Variants in OR8D4 observed in about 807,000 individuals in gnomAD.
The protein encoded by OR8D4 is olfactory receptor family 8 subfamily D member 4, also known as olfactory receptor 8D4.
For missense variants in OR8D4, 359 were observed against 372.6 expected (o/e 0.96, Z 0.30); for synonymous variants, 141 against 134.8 (o/e 1.05, Z -0.32).
At chr11:123,905,183 G>A (rs1863190435) in intron 1 of OR8D4, among the ~76,000 whole-genome samples, 1 of 152,144 alleles carries the variant, frequency 6.6e-6, no homozygotes, top group Non-Finnish European at 1.5e-5. Context: ...AACAGTTTTG[G>A]GAAGTCTGCC....
At chr11:123,906,058 A>C in intron 1 of OR8D4, 1 of 184,486 alleles carries the variant, frequency 5.4e-6, no homozygotes, top group Non-Finnish European at 1.1e-5. Context: ...TACTTTCTCT[A>C]ATTAGTCTGT....
At chr11:123,903,537 T>A (rs1863177651) in intron 1 of OR8D4, among the ~76,000 whole-genome samples, 1 of 152,146 alleles carries the variant, frequency 6.6e-6, no homozygotes, top group Admixed American at 6.6e-5. Context: ...TCTTATGATT[T>A]TAAATTGCTA....
intron 1 of OR8D4, among the ~76,000 whole-genome samples, chr11:123,904,814 A>G (rs769870682): frequency 2.0e-5 from 3 of 152,198 alleles, no homozygotes; most frequent in African/African-American, 4.8e-5. Context: ...TTACAGCAGT[A>G]ATATATTGGA....
chr11:123,905,597 A>C (rs950277008), intron 1 of OR8D4, among the ~76,000 whole-genome samples: 2 of 152,196 alleles, frequency 1.3e-5, no homozygotes, highest in African/African-American at 4.8e-5. Context: ...TTAACAGTAG[A>C]TACCTTCTCT....
chr11:123,908,301 AT>A lies in OR8D4; in HGVS notation c.*929del, dbSNP rs1237705405. 1.3e-5 allele frequency: 2 copies of A among 152,150 alleles called. No homozygotes were observed. Among genetic ancestry groups the A allele is most frequent in the African/African-American group, 4.8e-5 (2 of 41,432 alleles). The allele number at this position is 152,150 out of a possible 1,614,324, so 9.4% of individuals were successfully genotyped here. ...TCAGCATGACCAGTATATGTGCAGTATTTTGTAACTTTCTGTTTGTTTCTTT... is the reference window on the plus strand; with the variant it reads ...TCAGCATGACCAGTATATGTGCAGTATTTGTAACTTTCTGTTTGTTTCTTT... On this transcript the variant is annotated 3_prime_UTR_variant, in exon 2 of 2. Coordinates refer to ENST00000641687, the MANE Select transcript of OR8D4 (RefSeq NM_001005197.2).
At position 123,906,374 on chromosome 11, in the gene OR8D4, C is replaced by A. The variant is rs1302729368; in HGVS notation, c.-15-43C>A. ...CACTGATATTTGTTTTCTATAGAAA[C>A]AAACACTGATAGAATTTGACTTTTT... On this transcript the variant is annotated intron_variant, in intron 1 of 1. Coordinates refer to ENST00000641687, the MANE Select transcript of OR8D4 (RefSeq NM_001005197.2). 5 of 1,204,214 alleles carry A rather than the reference C, an allele frequency of 4.2e-6. No homozygotes were observed. In the African/African-American group the frequency reaches 6.1e-5, roughly 15 times the overall value. The allele number at this position is 1,204,214 out of a possible 1,614,324, so 74.6% of individuals were successfully genotyped here. A position where few individuals can be genotyped will look rare whatever the true frequency, so the allele number is the denominator to read the frequency against.
intron 1 of OR8D4, among the ~76,000 whole-genome samples, chr11:123,904,836 A>G (rs892529662): frequency 3.3e-5 from 5 of 152,236 alleles, no homozygotes; most frequent in African/African-American, 7.2e-5. Flanking sequence ...ACAAGAAGAC[A>G]TGAACAGCTT....
Position 123,906,603 on chromosome 11 carries a change from C to T in OR8D4, c.172C>T (p.Pro58Ser). The change falls in exon 2 of 2, where the codon CCC becomes TCC. Residue 58 changes from proline to serine, a missense_variant. Transcript: ENST00000641687. Reference protein sequence around the residue: ...IIRLNRQLHTPMYYFLSSLSF... With the variant: ...IIRLNRQLHTSMYYFLSSLSF... ...TAGGCTGAATCGTCAACTTCATACC[C>T]CCATGTACTATTTCCTGAGTAGTTT... is the stretch of plus-strand genomic sequence containing the variant. The T allele has an allele frequency of 4.3e-6, 7 of 1,613,972 alleles. No individual in the cohort carries two copies. Among genetic ancestry groups the T allele is most frequent in the Non-Finnish European group, 5.9e-6 (7 of 1,179,878 alleles).
rs758268613 is a variant in OR8D4, at chr11:123,906,185, G to A, written c.-15-232G>A. ...TTTGTCTCTAACTCTGGAGTAAAAG[G>A]TTCTGTCGTTTGCTAAGAGAATTTG... On this transcript the variant is annotated intron_variant, in intron 1 of 1. Transcript: ENST00000641687. The A allele has an allele frequency of 1.4e-4, 61 of 431,878 alleles. 1 individual carries two copies. The highest frequency in any genetic ancestry group is 2.1e-4 in the Non-Finnish European group (51 of 245,788). The allele number at this position is 431,878 out of a possible 1,614,324, so 26.8% of individuals were successfully genotyped here. A position where few individuals can be genotyped will look rare whatever the true frequency, so the allele number is the denominator to read the frequency against.
intron 1 of OR8D4, among the ~76,000 whole-genome samples, chr11:123,902,926 T>A (rs2167938): frequency 0.74 from 111,789 of 151,938 alleles, 41,474 homozygotes; most frequent in African/African-American, 0.81. Context: ...TCATTATTTT[T>A]AAAATATGAA....
At position 123,906,886 on chromosome 11, in the gene OR8D4, G is replaced by T. The variant is rs754468576; in HGVS notation, c.455G>T (p.Gly152Val). Residue 152 changes from glycine to valine, a missense_variant, in exon 2 of 2, where the codon GGT becomes GTT. Transcript: ENST00000641687. ...CTGGTGGCTGCTGTCTTCTCAGTAG[G>T]TTTCACTGATGCTGTGATCCATGGA... ...SLLVAAVFSV[G>V]FTDAVIHGGC... The T allele has an allele frequency of 6.2e-7, 1 of 1,613,904 alleles. No individual in the cohort carries two copies. The highest frequency in any genetic ancestry group is 8.5e-7 in the Non-Finnish European group (1 of 1,179,870).
In OR8D4 at chr11:123,907,030, T is replaced by C; in HGVS notation, c.599T>C (p.Phe200Ser). 6.2e-7 allele frequency: 1 copy of C among 1,614,106 alleles called. No individual in the cohort carries two copies. The highest frequency in any genetic ancestry group is 1.1e-5 in the South Asian group (1 of 91,084). ...SSTYIDELLI[F>S]VIGGFNMVAT... is the part of the protein sequence containing the mutation. ...ACTTATATTGATGAGCTTTTGATTTTTGTCATTGGTGGATTTAACATGGTG... is the reference window on the plus strand; with the variant it reads ...ACTTATATTGATGAGCTTTTGATTTCTGTCATTGGTGGATTTAACATGGTG... The change falls in exon 2 of 2, where the codon TTT becomes TCT. Residue 200 changes from phenylalanine to serine, a missense_variant. Transcript: ENST00000641687.
rs1863166596 is a variant in OR8D4 at position 123,902,245 on chromosome 11, C to T, written c.-28C>T. On this transcript the variant is annotated 5_prime_UTR_variant, in exon 1 of 2. Coordinates refer to ENST00000641687, the MANE Select transcript of OR8D4 (RefSeq NM_001005197.2). ...AGAAGAGATACTCACCTACAGTCTT[C>T]AGGAGGAAAAAGGTGAGCTTCAGAA... The T allele has an allele frequency of 6.6e-6, 1 of 152,100 alleles. No individual in the cohort carries two copies. The highest frequency in any genetic ancestry group is 1.5e-5 in the Non-Finnish European group (1 of 68,012). The allele number at this position is 152,100 out of a possible 1,614,324, so 9.4% of individuals were successfully genotyped here.
Position 123,909,058 on chromosome 11 carries a change from T to G in OR8D4, c.*1682T>G, listed in dbSNP as rs539665057. The G allele has an allele frequency of 4.6e-5, 7 of 152,316 alleles. 1 individual carries two copies. In the South Asian group the frequency reaches 1.5e-3, roughly 32 times the overall value. 9.4% of individuals were successfully genotyped at this position (152,316 alleles called of 1,614,324 possible). A position where few individuals can be genotyped will look rare whatever the true frequency, so the allele number is the denominator to read the frequency against. On this transcript the variant is annotated 3_prime_UTR_variant, in exon 2 of 2. Coordinates refer to ENST00000641687, the MANE Select transcript of OR8D4 (RefSeq NM_001005197.2). ...ATTAGAAAATAGATAGATATTTATG[T>G]GTGTGTATGTTTGTGGGAAGGGTTA...
rs539830565 is a variant in OR8D4 at position 123,907,544 on chromosome 11, A to G, written c.*168A>G. On this transcript the variant is annotated 3_prime_UTR_variant, in exon 2 of 2. Coordinates refer to ENST00000641687, the MANE Select transcript of OR8D4 (RefSeq NM_001005197.2). ...GGTGGATCACGAGGTCCGGTGTTCA[A>G]GACCAGCCTGGCCAAGATGATGAAA... 5 of 386,182 alleles carry G rather than the reference A, an allele frequency of 1.3e-5. No individual in the cohort carries two copies. Among genetic ancestry groups the G allele is most frequent in the African/African-American group, 1.0e-4 (5 of 48,312 alleles). The allele number at this position is 386,182 out of a possible 1,614,324, so 23.9% of individuals were successfully genotyped here.
intron 1 of OR8D4, among the ~76,000 whole-genome samples, chr11:123,904,031 T>C (rs937831908): frequency 2.0e-5 from 3 of 152,044 alleles, no homozygotes; most frequent in African/African-American, 7.2e-5. Flanking sequence ...AAATAGCGCC[T>C]CTCAAATGTT....
intron 1 of OR8D4, among the ~76,000 whole-genome samples, chr11:123,902,566 T>A (rs955157346): frequency 3.3e-5 from 5 of 152,210 alleles, no homozygotes; most frequent in Non-Finnish European, 7.3e-5. Context: ...CTCATTTGAT[T>A]TGCATAACAA....
rs541589918 is a variant in OR8D4, at chr11:123,909,006, C to T, written c.*1630C>T. ...AAGCAGAGCGATGTAATCTGTTTTA[C>T]ATTTGAAAAATATCTTCTGGTTATT... is the stretch of plus-strand genomic sequence containing the variant. On this transcript the variant is annotated 3_prime_UTR_variant, in exon 2 of 2. Coordinates refer to ENST00000641687, the MANE Select transcript of OR8D4 (RefSeq NM_001005197.2). The T allele has an allele frequency of 6.0e-4, 92 of 152,188 alleles. No individual in the cohort carries two copies. The highest frequency in any genetic ancestry group is 1.8e-3 in the African/African-American group (74 of 41,518). The allele number at this position is 152,188 out of a possible 1,614,324, so 9.4% of individuals were successfully genotyped here.
Position 123,908,295 on chromosome 11 carries a change from T to C in OR8D4, c.*919T>C, listed in dbSNP as rs1361786886. 6.6e-6 allele frequency: 1 copy of C among 152,206 alleles called. No homozygotes were observed. Among genetic ancestry groups the C allele is most frequent in the Non-Finnish European group, 1.5e-5 (1 of 68,038 alleles). The allele number at this position is 152,206 out of a possible 1,614,324, so 9.4% of individuals were successfully genotyped here. ...TTTTTTTCAGCATGACCAGTATATG[T>C]GCAGTATTTTGTAACTTTCTGTTTG... On this transcript the variant is annotated 3_prime_UTR_variant, in exon 2 of 2. Transcript: ENST00000641687.
Sources: allele counts gnomAD v4.1 joint callset (sites outside exome capture counted in the v4.1 genomes callset), GRCh38; gene constraint gnomAD v4.1.1; transcripts MANE v1.5; gene names NCBI Gene and HGNC (gene_info 2026-07-23, HGNC 2026-07-21).